The following PARN variants were observed in gnomAD, a reference collection of about 807,000 sequenced individuals.
PARN encodes the protein poly(A)-specific ribonuclease, also known as poly(A)-specific ribonuclease PARN.
In PARN, 71 loss-of-function variants were observed where a neutral mutation model predicts 102.8. That is an observed-to-expected ratio of 0.69 (90% CI 0.57 to 0.84). PARN has a LOEUF of 0.84. Ranked by LOEUF, PARN falls within the 40% of genes least tolerant of loss-of-function variation. The pLI is 0.00. For missense variants in PARN, 782 were observed against 760.9 expected, an observed-to-expected ratio of 1.03 and a Z score of -0.33; for synonymous variants, 261 against 252.9, an observed-to-expected ratio of 1.03 and a Z score of -0.30.
intron 21 of PARN, among the ~76,000 whole-genome samples, chr16:14,543,262 A>G (rs961957870): frequency 6.6e-6 from 1 of 152,208 alleles, no homozygotes; most frequent in East Asian, 1.9e-4. Flanking sequence ...ATTTTCAGAT[A>G]AAGAAAAAAT....
intron 21 of PARN, among the ~76,000 whole-genome samples, chr16:14,527,471 TA>T (rs1440588933): frequency 6.6e-6 from 1 of 152,238 alleles, no homozygotes; most frequent in Non-Finnish European, 1.5e-5. Context: ...AAATCTGTCA[TA>T]ATTTTTTTCT....
intron 18 of PARN, among the ~76,000 whole-genome samples, chr16:14,577,003 C>T (rs1406703855): frequency 6.6e-6 from 1 of 152,172 alleles, no homozygotes; most frequent in African/African-American, 2.4e-5. Flanking sequence ...CTACTAAATG[C>T]TAATTTAGAA....
At chr16:14,624,423 G>C (rs955304936) in intron 5 of PARN, among the ~76,000 whole-genome samples, 3 of 152,168 alleles carry the variant, frequency 2.0e-5, no homozygotes, top group African/African-American at 7.2e-5. Flanking sequence ...GAGAATCCCG[G>C]CATTTTTATT....
intron 18 of PARN, among the ~76,000 whole-genome samples, chr16:14,575,183 C>T (rs1969049733): frequency 1.3e-5 from 2 of 152,196 alleles, no homozygotes; most frequent in South Asian, 2.1e-4. Flanking sequence ...GGGGTCAGAA[C>T]CCCCACACAG....
Position 14,593,326 on chromosome 16 carries a change from T to C in PARN, c.893A>G (p.His298Arg). The change falls in exon 13 of 24, where the codon CAT (histidine) becomes CGT (arginine). Residue 298 changes from histidine (H) to arginine (R), a missense_variant. By Grantham distance (29) the His-to-Arg change is conservative. Transcript: ENST00000437198. ...CGCAGGCAGAGGGCAGTAGAACTGA[T>C]GAACTGTGTGCATGACGTCCAAGAG... ...NMLLDVMHTV[H>R]QFYCPLPADL... is the part of the protein sequence containing the mutation. 1 of 1,602,928 alleles carries C rather than the reference T, an allele frequency of 6.2e-7. No individual in the cohort carries two copies. The highest frequency in any genetic ancestry group is 1.3e-5 in the African/African-American group (1 of 74,716).
chr16:14,509,004 A>T (rs1341246896), intron 21 of PARN, among the ~76,000 whole-genome samples: 1 of 151,830 alleles, frequency 6.6e-6, no homozygotes, highest in African/African-American at 2.4e-5. Flanking sequence ...TAAAATTTCC[A>T]AAGAAGCAAT....
chr16:14,487,566 T>C (rs1963781603), intron 21 of PARN, among the ~76,000 whole-genome samples: 1 of 152,236 alleles, frequency 6.6e-6, no homozygotes, highest in Admixed American at 6.5e-5. Flanking sequence ...TATTCCAACA[T>C]TTTATTTTAT....
At chr16:14,527,465 C>A (rs1301586184) in intron 21 of PARN, among the ~76,000 whole-genome samples, 1 of 152,164 alleles carries the variant, frequency 6.6e-6, no homozygotes, top group African/African-American at 2.4e-5. Flanking sequence ...TAAACAAAAT[C>A]TGTCATAATT....
chr16:14,629,704 C>G (rs200805647), intron 1 of PARN, 30 bp from the exon 2 acceptor site: 31 of 1,522,400 alleles, frequency 2.0e-5, no homozygotes, highest in South Asian at 7.8e-5. Flanking sequence ...AGGCTCAGAA[C>G]CAGTGGCCTG....
chr16:14,548,580 T>C (rs1370803182), intron 21 of PARN, among the ~76,000 whole-genome samples: 1 of 152,204 alleles, frequency 6.6e-6, no homozygotes. Flanking sequence ...ACAGTCTATC[T>C]GTGAAAACAA....
chr16:14,451,149 G>A (rs963699769), intron 22 of PARN, among the ~76,000 whole-genome samples: 4 of 152,066 alleles, frequency 2.6e-5, no homozygotes, highest in African/African-American at 7.2e-5. Context: ...CCACATGCCC[G>A]TCATCCCACC....
chr16:14,538,345 AG>A (rs1422284367), intron 21 of PARN, among the ~76,000 whole-genome samples: 1 of 151,754 alleles, frequency 6.6e-6, no homozygotes, highest in Non-Finnish European at 1.5e-5. Context: ...CAGCCTCCCA[AG>A]TAACTGGGAC....
chr16:14,539,402 G>C (rs1339477852), intron 21 of PARN, among the ~76,000 whole-genome samples: 1 of 152,156 alleles, frequency 6.6e-6, no homozygotes, highest in Non-Finnish European at 1.5e-5. Context: ...AAAGCTTTTT[G>C]CTCTATTCTC....
intron 21 of PARN, among the ~76,000 whole-genome samples, chr16:14,541,255 G>A (rs1966838107): frequency 6.6e-6 from 1 of 151,656 alleles, no homozygotes. Context: ...AGGGGCAATA[G>A]AGAGTGAGGA....
At chr16:14,546,309 T>A (rs1031993581) in intron 21 of PARN, among the ~76,000 whole-genome samples, 15 of 152,346 alleles carry the variant, frequency 9.8e-5, no homozygotes, top group African/African-American at 3.1e-4. Flanking sequence ...CAATTTAACA[T>A]AAGCACACTC....
rs1001630587 is a variant in PARN at position 14,604,004 on chromosome 16, A to T, written c.783+142T>A. ...ATCTAACTTCCCCTTATTCTAGTCC[A>T]GGTTTTTCTGCCAATTCCATTGTTC... On this transcript the variant is annotated intron_variant, in intron 11 of 23. Coordinates refer to ENST00000437198, the MANE Select transcript of PARN (RefSeq NM_002582.4). 3 of 693,926 alleles carry T rather than the reference A, an allele frequency of 4.3e-6. No individual in the cohort carries two copies. In the Admixed American group the frequency reaches 8.0e-5, roughly 19 times the overall value. The allele number at this position is 693,926 out of a possible 1,614,324, so 43.0% of individuals were successfully genotyped here.
intron 22 of PARN, among the ~76,000 whole-genome samples, chr16:14,479,420 T>G (rs1963258260): frequency 6.6e-6 from 1 of 150,870 alleles, no homozygotes; most frequent in Non-Finnish European, 1.5e-5. Context: ...GACCCCCATC[T>G]CTATTAAAAA....
Position 14,478,102 on chromosome 16 carries a change from G to T in PARN, c.1670+4536C>A, listed in dbSNP as rs1963173033. On this transcript the variant is annotated intron_variant, in intron 22 of 23. Coordinates refer to ENST00000437198, the MANE Select transcript of PARN (RefSeq NM_002582.4). ...TTTGGGAGGTGGGAGGATCTCTTGAGGTCAAAGGTTCAAGACCAGCCTGAG... is the reference window on the plus strand; with the variant it reads ...TTTGGGAGGTGGGAGGATCTCTTGATGTCAAAGGTTCAAGACCAGCCTGAG... 2.0e-5 allele frequency among the ~76,000 whole-genome samples: 3 copies of T among 152,058 alleles called. No homozygotes were observed. The South Asian group carries it at 6.2e-4, about 32-fold the overall frequency.
At chr16:14,622,799 C>A (rs1972398579) in intron 5 of PARN, among the ~76,000 whole-genome samples, 1 of 152,090 alleles carries the variant, frequency 6.6e-6, no homozygotes, top group East Asian at 1.9e-4. Context: ...AGTCACCACA[C>A]CCGGCCCATT....
Sources: allele counts gnomAD v4.1 joint callset (sites outside exome capture counted in the v4.1 genomes callset), GRCh38; gene constraint gnomAD v4.1.1; transcripts MANE v1.5; gene names NCBI Gene and HGNC (gene_info 2026-07-23, HGNC 2026-07-21).